Variants in FAIM observed in about 807,000 individuals in gnomAD.
FAIM encodes the protein fas apoptotic inhibitory molecule 1.
FAIM carries 14 observed loss-of-function variants against 21.2 expected under a neutral mutation model. The observed-to-expected ratio is 0.66, with a 90% confidence interval of 0.44 to 1.03. The LOEUF is 1.03. Among genes scored for constraint, FAIM ranks in the 50% least tolerant of loss-of-function variants. The pLI is 0.00. For synonymous variants in FAIM, 86 were observed against 80.4 expected (o/e 1.07, Z -0.37); for missense variants, 222 against 247.1 (o/e 0.90, Z 0.68).
intron 1 of FAIM, among the ~76,000 whole-genome samples, chr3:138,615,047 T>TA (rs1553875168): frequency 6.6e-6 from 1 of 152,250 alleles, no homozygotes; most frequent in Non-Finnish European, 1.5e-5. Flanking sequence ...ATGGATTTAG[T>TA]ACACCTAACC....
chr3:138,624,413 C>T (rs1214393840), intron 4 of FAIM, among the ~76,000 whole-genome samples: 1 of 152,056 alleles, frequency 6.6e-6, no homozygotes, highest in African/African-American at 2.4e-5. Flanking sequence ...TGAATTATCT[C>T]GGGTCTTTAA....
chr3:138,631,866 A>G (rs983421987), intron 5 of FAIM, among the ~76,000 whole-genome samples: 2 of 152,028 alleles, frequency 1.3e-5, no homozygotes, highest in African/African-American at 4.8e-5. Flanking sequence ...TCCCATAAGG[A>G]GCCACGGGCC....
chr3:138,615,958 G>A (rs1388002290), intron 1 of FAIM, among the ~76,000 whole-genome samples: 1 of 152,222 alleles, frequency 6.6e-6, no homozygotes, highest in African/African-American at 2.4e-5. Context: ...CATTAGATGG[G>A]ATTTGTTGAT....
intron 3 of FAIM, 100 bp downstream of exon 3, chr3:138,621,639 T>C (rs1405789795): frequency 1.3e-5 from 14 of 1,052,258 alleles, no homozygotes; most frequent in Non-Finnish European, 1.9e-5. Flanking sequence ...TTTTTTTTCT[T>C]GTAGTCATGT....
chr3:138,612,801 T>C (rs980905095), intron 1 of FAIM, among the ~76,000 whole-genome samples: 4 of 152,228 alleles, frequency 2.6e-5, no homozygotes, highest in African/African-American at 9.6e-5. Context: ...CCACTAGCAA[T>C]GTACAAGGAT....
chr3:138,610,336 G>A (rs1034077307), intron 1 of FAIM, among the ~76,000 whole-genome samples: 1 of 152,124 alleles, frequency 6.6e-6, no homozygotes, highest in Non-Finnish European at 1.5e-5. Flanking sequence ...TGATGGGTAC[G>A]TATGAGATAC....
intron 1 of FAIM, among the ~76,000 whole-genome samples, chr3:138,611,406 GC>G (rs1458745224): frequency 6.6e-6 from 1 of 151,676 alleles, no homozygotes; most frequent in Non-Finnish European, 1.5e-5. Context: ...ACATAGATTT[GC>G]CATTTTAACA....
intron 4 of FAIM, among the ~76,000 whole-genome samples, chr3:138,622,881 A>C (rs1426991158): frequency 6.6e-6 from 1 of 152,080 alleles, no homozygotes; most frequent in East Asian, 1.9e-4. Context: ...CCTACTAAAA[A>C]TACAAAAATT....
intron 5 of FAIM, chr3:138,629,416 A>ATAGCAAGTAAAGTACC: frequency 3.5e-6 from 1 of 288,650 alleles, no homozygotes; most frequent in Non-Finnish European, 6.4e-6. Flanking sequence ...AGGCTCCAGC[A>ATAGCAAGTAAAGTACC]TAGCAAGTAA....
In FAIM at chr3:138,610,040, C is replaced by G. The variant is rs376246440; in HGVS notation, c.-17+1103C>G. Among the ~76,000 whole-genome samples the G allele has an allele frequency of 1.7e-4, 26 of 152,206 alleles. 1 individual carries two copies. The highest frequency in any genetic ancestry group is 6.3e-4 in the African/African-American group (26 of 41,516). ...CCCCTCACTTCATAAGGGGCCGGCC[C>G]GGAGATGAAGATGTCAACACTTGAG... On this transcript the variant is annotated intron_variant, in intron 1 of 5. Coordinates refer to ENST00000360570, the MANE Select transcript of FAIM (RefSeq NM_001033031.2).
chr3:138,627,634 A>G (rs927251708), intron 4 of FAIM, among the ~76,000 whole-genome samples: 6 of 152,156 alleles, frequency 3.9e-5, no homozygotes, highest in Admixed American at 2.0e-4. Context: ...ACCAGTTTCT[A>G]CCATCATCGT....
intron 3 of FAIM, 50 bp downstream of exon 3, chr3:138,621,589 G>A (rs2042886237): frequency 6.5e-7 from 1 of 1,546,142 alleles, no homozygotes; most frequent in African/African-American, 1.4e-5. Context: ...AGAGAAACTT[G>A]ATTTTGTTAA....
At chr3:138,614,497 A>G (rs1168797376) in intron 1 of FAIM, among the ~76,000 whole-genome samples, 1 of 152,174 alleles carries the variant, frequency 6.6e-6, no homozygotes, top group Non-Finnish European at 1.5e-5. Flanking sequence ...CTAGTACAGT[A>G]TCTCTTGATA....
chr3:138,629,696 T>C (rs2042982782), intron 5 of FAIM: 1 of 152,174 alleles, frequency 6.6e-6, no homozygotes, highest in Non-Finnish European at 1.5e-5. Flanking sequence ...AAATGAGTGA[T>C]ACAATATCAG....
chr3:138,617,547 ACC>A (rs1373966217), intron 1 of FAIM, among the ~76,000 whole-genome samples: 1 of 146,468 alleles, frequency 6.8e-6, no homozygotes, highest in African/African-American at 2.5e-5. Flanking sequence ...CTACCTATCT[ACC>A]TATCTGTCTA....
intron 1 of FAIM, among the ~76,000 whole-genome samples, chr3:138,613,646 G>C (rs2042795192): frequency 6.6e-6 from 1 of 151,862 alleles, no homozygotes; most frequent in African/African-American, 2.4e-5. Context: ...ACCATGCCTG[G>C]CTAGTTTTTA....
chr3:138,610,732 C>T (rs1176028544), intron 1 of FAIM: 2 of 403,446 alleles, frequency 5.0e-6, no homozygotes, highest in African/African-American at 2.0e-5. Flanking sequence ...TACAGACGTG[C>T]GCTACCATGC....
At chr3:138,613,075 C>A (rs149048234) in intron 1 of FAIM, among the ~76,000 whole-genome samples, 1,647 of 150,044 alleles carry the variant, frequency 0.011, 32 homozygotes, top group African/African-American at 0.039. Flanking sequence ...AGTGCAATGG[C>A]ATGATCTTGG....
intron 1 of FAIM, among the ~76,000 whole-genome samples, chr3:138,613,674 G>A (rs1235556426): frequency 3.3e-5 from 5 of 151,894 alleles, no homozygotes; most frequent in Non-Finnish European, 7.4e-5. Context: ...TTGTAGAGAT[G>A]GGGTCTCCCT....
Sources: allele counts gnomAD v4.1 joint callset (sites outside exome capture counted in the v4.1 genomes callset), GRCh38; gene constraint gnomAD v4.1.1; transcripts MANE v1.5; gene names NCBI Gene and HGNC (gene_info 2026-07-23, HGNC 2026-07-21).